The following TRPM3 variants were observed in gnomAD, a reference collection of about 807,000 sequenced individuals.
TRPM3 encodes the protein transient receptor potential cation channel subfamily M member 3, also known as long transient receptor potential channel 3.
TRPM3 carries 77 observed loss-of-function variants against 181.2 expected under a neutral mutation model. The ratio of observed to expected loss-of-function variants is 0.42; its 90% confidence interval spans 0.35 to 0.51. The LOEUF is 0.51. Among genes scored for constraint, TRPM3 ranks in the 20% least tolerant of loss-of-function variants. The pLI is 0.01. For missense variants in TRPM3, 1,759 were observed against 2,196.7 expected (o/e 0.80, Z 3.98); for synonymous variants, 745 against 796.4 (o/e 0.94, Z 1.09).
At chr9:70,619,828 A>G (rs976411942) in intron 16 of TRPM3, among the ~76,000 whole-genome samples, 1 of 152,170 alleles carries the variant, frequency 6.6e-6, no homozygotes, top group Non-Finnish European at 1.5e-5. Context: ...CCTAGCTGAA[A>G]GAAGTGCATA....
At chr9:71,313,457 A>T (rs2088203455) in intron 1 of TRPM3, among the ~76,000 whole-genome samples, 1 of 152,170 alleles carries the variant, frequency 6.6e-6, no homozygotes, top group Non-Finnish European at 1.5e-5. Flanking sequence ...AAATGCATTA[A>T]GATGTCATTT....
At chr9:71,272,871 G>A (rs1277763583) in intron 1 of TRPM3, among the ~76,000 whole-genome samples, 3 of 149,322 alleles carry the variant, frequency 2.0e-5, no homozygotes, top group African/African-American at 2.6e-5. Context: ...GTATGAAAGC[G>A]GTAATTTTTT....
intron 8 of TRPM3, among the ~76,000 whole-genome samples, chr9:70,697,392 T>C (rs1408408111): frequency 6.6e-6 from 1 of 152,240 alleles, no homozygotes; most frequent in African/African-American, 2.4e-5. Context: ...ATTATCACTT[T>C]GGGTTCCTAA....
intron 8 of TRPM3, among the ~76,000 whole-genome samples, chr9:70,749,669 TA>T (rs2075788333): frequency 6.6e-6 from 1 of 152,172 alleles, no homozygotes; most frequent in Non-Finnish European, 1.5e-5. Context: ...ATAAGAAGAA[TA>T]AAAGTCAGAT....
intron 20 of TRPM3, among the ~76,000 whole-genome samples, chr9:70,601,246 T>C (rs2059887616): frequency 6.6e-6 from 1 of 152,134 alleles, no homozygotes; most frequent in Non-Finnish European, 1.5e-5. Context: ...TGAGATAACG[T>C]CTACCCACGC....
At chr9:71,250,469 C>A (rs893321576) in intron 1 of TRPM3, among the ~76,000 whole-genome samples, 4 of 152,200 alleles carry the variant, frequency 2.6e-5, no homozygotes, top group African/African-American at 9.6e-5. Flanking sequence ...GCAAAATGGG[C>A]ATACTGCTGT....
intron 6 of TRPM3, among the ~76,000 whole-genome samples, chr9:70,795,253 T>C (rs2086720322): frequency 1.3e-5 from 2 of 152,236 alleles, no homozygotes; most frequent in African/African-American, 2.4e-5. Flanking sequence ...AGAGTAGGTA[T>C]ATAATTCACA....
intron 1 of TRPM3, among the ~76,000 whole-genome samples, chr9:70,902,089 G>T (rs967333979): frequency 1.3e-5 from 2 of 152,222 alleles, no homozygotes; most frequent in Admixed American, 6.5e-5. Context: ...GGTCTAGTCA[G>T]TAACACACAG....
intron 5 of TRPM3, among the ~76,000 whole-genome samples, chr9:70,842,679 T>C (rs185643601): frequency 3.3e-5 from 5 of 152,240 alleles, no homozygotes; most frequent in Admixed American, 2.6e-4. Context: ...TTAAGTGGTG[T>C]TAATTAATCT....
chr9:70,974,763 T>G (rs11142653), intron 1 of TRPM3, among the ~76,000 whole-genome samples: 43,316 of 150,828 alleles, frequency 0.29, 6,247 homozygotes, highest in East Asian at 0.36. Flanking sequence ...AATAACTTAT[T>G]CAAGGACAAA....
rs138710554 is a variant in TRPM3 at position 71,300,907 on chromosome 9, A to C, written c.183+145746T>G. Among the ~76,000 whole-genome samples the C allele has an allele frequency of 7.3e-3, 1,105 of 152,248 alleles. 19 individuals carry two copies. The highest frequency in any genetic ancestry group is 0.025 in the African/African-American group (1,052 of 41,548). ...ATTCTCAGGACCAAATTGGATCCTCAATAAAATGCCTTAAGTAGCACCTTG... is the reference window on the plus strand; with the variant it reads ...ATTCTCAGGACCAAATTGGATCCTCCATAAAATGCCTTAAGTAGCACCTTG... On this transcript the variant is annotated intron_variant, in intron 1 of 24. Coordinates refer to the TRPM3 transcript ENST00000357533.
intron 11 of TRPM3, among the ~76,000 whole-genome samples, chr9:70,637,389 A>G (rs1461945612): frequency 6.6e-6 from 1 of 152,110 alleles, no homozygotes; most frequent in Admixed American, 6.6e-5. Flanking sequence ...TATTCCGGGA[A>G]GCCACCACCA....
chr9:70,858,215 T>C (rs1388684957), intron 3 of TRPM3, among the ~76,000 whole-genome samples: 1 of 152,188 alleles, frequency 6.6e-6, no homozygotes, highest in Non-Finnish European at 1.5e-5. Flanking sequence ...ATTTCAACTT[T>C]CAAGTATTCT....
intron 1 of TRPM3, among the ~76,000 whole-genome samples, chr9:70,922,299 T>G (rs947775239): frequency 6.6e-6 from 1 of 152,162 alleles, no homozygotes; most frequent in African/African-American, 2.4e-5. Flanking sequence ...CCACAAATCC[T>G]GTCCCCAGCC....
chr9:71,233,324 CACTT>C (rs1289855630), intron 1 of TRPM3, among the ~76,000 whole-genome samples: 29 of 152,204 alleles, frequency 1.9e-4, no homozygotes, highest in Non-Finnish European at 3.2e-4. Flanking sequence ...ACAGACAACT[CACTT>C]GTCTCCAAAT....
At chr9:70,569,449 A>T (rs1452148274) in intron 22 of TRPM3, among the ~76,000 whole-genome samples, 1 of 152,234 alleles carries the variant, frequency 6.6e-6, no homozygotes, top group Non-Finnish European at 1.5e-5. Flanking sequence ...GTATGTCATG[A>T]AGAATAGCCT....
At chr9:71,045,277 A>G (rs2059305777) in intron 1 of TRPM3, among the ~76,000 whole-genome samples, 1 of 151,988 alleles carries the variant, frequency 6.6e-6, no homozygotes, top group Non-Finnish European at 1.5e-5. Flanking sequence ...AATCTGGAAT[A>G]CCATCTCAAT....
intron 3 of TRPM3, among the ~76,000 whole-genome samples, chr9:70,852,833 C>A (rs2095277164): frequency 6.6e-6 from 1 of 152,184 alleles, no homozygotes; most frequent in Non-Finnish European, 1.5e-5. Flanking sequence ...GCAATCTCTC[C>A]CCTTTCATCT....
chr9:70,887,191 A>G (rs2096102757), intron 1 of TRPM3, among the ~76,000 whole-genome samples: 1 of 152,140 alleles, frequency 6.6e-6, no homozygotes, highest in Non-Finnish European at 1.5e-5. Context: ...AGGGCTAAGG[A>G]TGTGAGTTCC....
Sources: gnomAD v4.1 joint callset for allele counts (sites outside exome capture counted in the v4.1 genomes callset) on GRCh38, gnomAD v4.1.1 for gene constraint, MANE v1.5 for transcripts, NCBI Gene and HGNC (gene_info 2026-07-23, HGNC 2026-07-21) for gene names.